The following TSHZ2 variants were observed in gnomAD, a reference collection of about 807,000 sequenced individuals.
TSHZ2 encodes the protein teashirt homolog 2.
In TSHZ2, 21 loss-of-function variants were observed where a neutral mutation model predicts 74.4. The ratio of observed to expected loss-of-function variants is 0.28; its 90% CI spans 0.20 to 0.41. The LOEUF is 0.41. TSHZ2 is among the 10% of genes least tolerant of loss of function. TSHZ2 has a pLI of 1.00. For missense variants in TSHZ2, 1,244 were observed against 1,293.5 expected, an observed-to-expected ratio of 0.96 and a Z score of 0.59; for synonymous variants, 540 against 515.3, an observed-to-expected ratio of 1.05 and a Z score of -0.65.
At chr20:53,157,364 G>T (rs1987819979) in intron 1 of TSHZ2, among the ~76,000 whole-genome samples, 1 of 148,168 alleles carries the variant, frequency 6.7e-6, no homozygotes, top group Admixed American at 6.7e-5. Flanking sequence ...TTTTACTAAT[G>T]TTCTGTTGAA....
intron 1 of TSHZ2, among the ~76,000 whole-genome samples, chr20:53,004,038 T>C (rs1982543600): frequency 6.6e-6 from 1 of 152,176 alleles, no homozygotes; most frequent in South Asian, 2.1e-4. Context: ...CACTGCCAAA[T>C]GAAAGCAGGC....
chr20:52,976,095 ATTATTAG>A (rs1981327089), intron 1 of TSHZ2, among the ~76,000 whole-genome samples: 1 of 152,224 alleles, frequency 6.6e-6, no homozygotes, highest in Non-Finnish European at 1.5e-5. Flanking sequence ...ATTCCTTTGT[ATTATTAG>A]TTATAAGTTC....
In TSHZ2 at chr20:53,494,219, C is replaced by G. The variant is rs532208648; in HGVS notation, c.*7084C>G. The G allele has an allele frequency of 6.6e-6, 1 of 151,388 alleles. No individual in the cohort carries two copies. Among genetic ancestry groups the G allele is most frequent in the Non-Finnish European group, 1.5e-5 (1 of 68,056 alleles). The allele number at this position is 151,388 out of a possible 1,614,324, so 9.4% of individuals were successfully genotyped here. ...AAGAGAATTGCTTGAGCCCGGGAGG[C>G]GAAGGTTGCAGTGAGCTGAGATGGT... is the stretch of plus-strand genomic sequence containing the variant. On this transcript the variant is annotated 3_prime_UTR_variant, in exon 3 of 3. Coordinates refer to ENST00000371497, the MANE Select transcript of TSHZ2 (RefSeq NM_173485.6).
At chr20:53,385,469 C>T (rs1982010809) in intron 2 of TSHZ2, among the ~76,000 whole-genome samples, 1 of 152,142 alleles carries the variant, frequency 6.6e-6, no homozygotes, top group African/African-American at 2.4e-5. Flanking sequence ...GTAGGAAACG[C>T]AGATCACAGC....
rs941806446 is a variant in TSHZ2 at position 53,401,561 on chromosome 20, C to T, written c.*9-85583C>T. Among the ~76,000 whole-genome samples, 27 of 134,736 alleles carry T rather than the reference C, an allele frequency of 2.0e-4. 1 individual carries two copies. The highest frequency in any genetic ancestry group is 6.9e-4 in the African/African-American group (25 of 36,086). 88.4% of individuals were successfully genotyped at this position (134,736 alleles called of 152,430 possible). A position where few individuals can be genotyped will look rare whatever the true frequency, so the allele number is the denominator to read the frequency against. On this transcript the variant is annotated intron_variant, in intron 2 of 2. Coordinates refer to ENST00000371497, the MANE Select transcript of TSHZ2 (RefSeq NM_173485.6). Reference sequence around the variant, plus strand: ...CTCACTCCTTCCAACCCCTCCCCCCCGAGTCCCCAAAGTCCATTATGTTGT... The same window carrying T: ...CTCACTCCTTCCAACCCCTCCCCCCTGAGTCCCCAAAGTCCATTATGTTGT...
At chr20:53,034,077 T>G (rs1024891280) in intron 1 of TSHZ2, among the ~76,000 whole-genome samples, 37 of 152,148 alleles carry the variant, frequency 2.4e-4, no homozygotes, top group African/African-American at 8.7e-4. Flanking sequence ...CTCGAATGAA[T>G]CAATGAGTAA....
chr20:53,209,893 ATTCTTCCCTG>A (rs142802503), intron 1 of TSHZ2, among the ~76,000 whole-genome samples: 6,149 of 152,214 alleles, frequency 0.04, 368 homozygotes, highest in East Asian at 0.31. Context: ...AAGACGACAG[ATTCTTCCCTG>A]TTCTTCCAGG....
chr20:53,284,090 C>T (rs1056869184), intron 2 of TSHZ2, among the ~76,000 whole-genome samples: 1 of 152,202 alleles, frequency 6.6e-6, no homozygotes, highest in Non-Finnish European at 1.5e-5. Context: ...GGCTTTCTTC[C>T]TCTTCTTCCA....
chr20:53,318,264 A>G (rs1253914577), intron 2 of TSHZ2, among the ~76,000 whole-genome samples: 1 of 152,128 alleles, frequency 6.6e-6, no homozygotes, highest in African/African-American at 2.4e-5. Flanking sequence ...GGAGAGGGCA[A>G]AGGATGGGTT....
chr20:53,412,210 G>A (rs1983077746), intron 2 of TSHZ2, among the ~76,000 whole-genome samples: 1 of 152,156 alleles, frequency 6.6e-6, no homozygotes, highest in African/African-American at 2.4e-5. Flanking sequence ...GGCACCCAGT[G>A]GGAAATTGGA....
intron 1 of TSHZ2, among the ~76,000 whole-genome samples, chr20:53,134,996 A>T (rs1300419159): frequency 9.5e-6 from 1 of 105,552 alleles, no homozygotes; most frequent in African/African-American, 4.5e-5. Flanking sequence ...ACACACATAC[A>T]TGCACATGCA....
intron 1 of TSHZ2, among the ~76,000 whole-genome samples, chr20:53,015,458 C>T (rs1292632252): frequency 6.6e-6 from 1 of 152,116 alleles, no homozygotes; most frequent in African/African-American, 2.4e-5. Flanking sequence ...CCCCCAACTA[C>T]CCCTAGCAAA....
intron 1 of TSHZ2, among the ~76,000 whole-genome samples, chr20:53,139,236 G>A (rs1220809179): frequency 6.6e-6 from 1 of 152,196 alleles, no homozygotes; most frequent in Admixed American, 6.5e-5. Context: ...CACCAGAGCA[G>A]AGACTAAGGC....
At chr20:53,091,629 T>G (rs975867607) in intron 1 of TSHZ2, among the ~76,000 whole-genome samples, 2 of 152,230 alleles carry the variant, frequency 1.3e-5, no homozygotes, top group African/African-American at 4.8e-5. Context: ...TGCAAAAGTA[T>G]CACGACTTCC....
chr20:53,230,639 T>A (rs890224526), intron 1 of TSHZ2, among the ~76,000 whole-genome samples: 2 of 152,182 alleles, frequency 1.3e-5, no homozygotes, highest in African/African-American at 4.8e-5. Flanking sequence ...ACGCCTGTAA[T>A]CCCAGCACTT....
At chr20:53,310,689 C>T (rs1978743674) in intron 2 of TSHZ2, among the ~76,000 whole-genome samples, 1 of 152,154 alleles carries the variant, frequency 6.6e-6, no homozygotes, top group Non-Finnish European at 1.5e-5. Context: ...CTACCTTCAA[C>T]TCCTAGAGGC....
chr20:53,064,008 A>G (rs1984901032), intron 1 of TSHZ2, among the ~76,000 whole-genome samples: 1 of 152,198 alleles, frequency 6.6e-6, no homozygotes, highest in Non-Finnish European at 1.5e-5. Flanking sequence ...AAATTACTAT[A>G]TCTACATGGC....
intron 1 of TSHZ2, among the ~76,000 whole-genome samples, chr20:53,065,353 G>A (rs891123122): frequency 5.9e-5 from 9 of 152,134 alleles, no homozygotes; most frequent in Admixed American, 4.6e-4. Flanking sequence ...TCATTCATCT[G>A]TCAAAAGGGA....
intron 2 of TSHZ2, among the ~76,000 whole-genome samples, chr20:53,260,759 A>C (rs113149704): frequency 8.1e-4 from 124 of 152,344 alleles, no homozygotes; most frequent in African/African-American, 2.7e-3. Flanking sequence ...GTAGGTTTAC[A>C]AGAAAGCACA....
Sources: gnomAD v4.1 joint callset for allele counts (sites outside exome capture counted in the v4.1 genomes callset) on GRCh38, gnomAD v4.1.1 for gene constraint, MANE v1.5 for transcripts, NCBI Gene and HGNC (gene_info 2026-07-23, HGNC 2026-07-21) for gene names.